LGR5: variants seen among roughly 807,000 people sequenced by gnomAD.
LGR5 encodes leucine rich repeat containing G protein-coupled receptor 5, also known as leucine-rich repeat-containing G protein-coupled receptor 5.
A neutral mutation model predicts 76.7 loss-of-function variants in LGR5; 54 were observed. The observed-to-expected ratio is 0.70, with a 90% CI of 0.57 to 0.88. LGR5 has a LOEUF of 0.88. Ranked by LOEUF, LGR5 falls within the 40% of genes least tolerant of loss-of-function variation. LGR5 has a pLI of 0.00. For synonymous variants in LGR5, 406 were observed against 421.9 expected (o/e 0.96, Z 0.46); for missense variants, 1,078 against 1,073.3 (o/e 1.00, Z -0.06).
intron 1 of LGR5, among the ~76,000 whole-genome samples, chr12:71,461,444 C>T (rs1872681939): frequency 6.6e-6 from 1 of 152,090 alleles, no homozygotes; most frequent in Non-Finnish European, 1.5e-5. Context: ...AAGGGATTTC[C>T]ATTTGAAGAT....
intron 2 of LGR5, among the ~76,000 whole-genome samples, chr12:71,508,697 C>T (rs117625443): frequency 0.053 from 7,124 of 133,992 alleles, 216 homozygotes; most frequent in Middle Eastern, 0.14. Context: ...GAGATTGCAG[C>T]GAGCCAAGAT....
chr12:71,454,564 G>C (rs908129283), intron 1 of LGR5, among the ~76,000 whole-genome samples: 7 of 152,118 alleles, frequency 4.6e-5, no homozygotes, highest in Admixed American at 1.3e-4. Flanking sequence ...GAGGAGATGA[G>C]ACTGTGGCAA....
intron 4 of LGR5, among the ~76,000 whole-genome samples, chr12:71,543,552 A>G (rs975879857): frequency 6.6e-6 from 1 of 152,210 alleles, no homozygotes; most frequent in Non-Finnish European, 1.5e-5. Context: ...TGGCCAGATA[A>G]GGTAAGTAGA....
At chr12:71,501,524 G>A (rs1874604363) in intron 1 of LGR5, among the ~76,000 whole-genome samples, 1 of 152,140 alleles carries the variant, frequency 6.6e-6, no homozygotes. Flanking sequence ...CAGGCTAAAA[G>A]TAATTTAAGC....
intron 4 of LGR5, among the ~76,000 whole-genome samples, chr12:71,540,653 G>T (rs1876830304): frequency 1.3e-5 from 2 of 152,126 alleles, no homozygotes; most frequent in African/African-American, 4.8e-5. Context: ...AGGAATGGGT[G>T]AGGAGGAAGA....
At chr12:71,554,197 T>C (rs865984744) in intron 5 of LGR5, among the ~76,000 whole-genome samples, 2 of 152,244 alleles carry the variant, frequency 1.3e-5, no homozygotes, top group Middle Eastern at 3.4e-3. Context: ...TTTTTAAAGA[T>C]AGTTTGGCTA....
At chr12:71,491,757 A>G (rs67510211) in intron 1 of LGR5, among the ~76,000 whole-genome samples, 16,378 of 148,250 alleles carry the variant, frequency 0.11, 1,031 homozygotes, top group African/African-American at 0.16. Flanking sequence ...TTATCAAGTG[A>G]AATGCTAAAG....
intron 1 of LGR5, among the ~76,000 whole-genome samples, chr12:71,483,262 G>C (rs1873689391): frequency 6.6e-6 from 1 of 152,146 alleles, no homozygotes; most frequent in South Asian, 2.1e-4. Flanking sequence ...AACTGGAGTT[G>C]TGGAATCTGG....
chr12:71,470,934 C>T (rs888176628), intron 1 of LGR5, among the ~76,000 whole-genome samples: 9 of 152,190 alleles, frequency 5.9e-5, no homozygotes, highest in Admixed American at 2.6e-4. Context: ...AGTATGCTCC[C>T]CTCCAATGAG....
intron 11 of LGR5, chr12:71,567,244 A>C: frequency 3.5e-6 from 1 of 282,330 alleles, no homozygotes. Context: ...AAATAACATA[A>C]TGGATCAACC....
At chr12:71,522,606 G>A (rs1253991825) in intron 2 of LGR5, among the ~76,000 whole-genome samples, 1 of 151,880 alleles carries the variant, frequency 6.6e-6, no homozygotes, top group Admixed American at 6.6e-5. Flanking sequence ...TCTGCTGTTT[G>A]TCTACTCTAT....
At position 71,539,634 on chromosome 12, in the gene LGR5, C is replaced by T. The variant is rs1037923900; in HGVS notation, c.428+4448C>T. Among the ~76,000 whole-genome samples the T allele has an allele frequency of 4.6e-5, 7 of 152,120 alleles. No individual in the cohort carries two copies. The South Asian group carries it at 1.0e-3, about 23-fold the overall frequency. ...CTGGAATTACAGGCACCTGCCACCA[C>T]GGCTGGCTAATTTTTTGTATTTTTG... On this transcript the variant is annotated intron_variant, in intron 4 of 17. Transcript: ENST00000266674.
chr12:71,523,759 C>T lies in LGR5; in HGVS notation c.285-647C>T, dbSNP rs1006931283. Among the ~76,000 whole-genome samples, 3 of 152,144 alleles carry T rather than the reference C, an allele frequency of 2.0e-5. No homozygotes were observed. The East Asian group carries it at 5.8e-4, about 29-fold the overall frequency. On this transcript the variant is annotated intron_variant, in intron 2 of 17. Coordinates refer to ENST00000266674, the MANE Select transcript of LGR5 (RefSeq NM_003667.4). ...ACTTAGAAAAATATTATAAAGTAAACTTCTAAAATTTTACCAGTTAATAAT... is the reference window on the plus strand; with the variant it reads ...ACTTAGAAAAATATTATAAAGTAAATTTCTAAAATTTTACCAGTTAATAAT...
intron 1 of LGR5, among the ~76,000 whole-genome samples, chr12:71,477,954 GA>G (rs1287193118): frequency 5.9e-5 from 9 of 152,136 alleles, no homozygotes; most frequent in African/African-American, 2.2e-4. Flanking sequence ...TGCGCTTCTT[GA>G]GTTCCCACCC....
At chr12:71,491,262 A>AT (rs553239693) in intron 1 of LGR5, among the ~76,000 whole-genome samples, 6 of 152,146 alleles carry the variant, frequency 3.9e-5, no homozygotes, top group East Asian at 1.9e-4. Flanking sequence ...TTTAAGACAG[A>AT]TTTTTTGTAA....
chr12:71,579,069 G>A, intron 15 of LGR5, 140 bp downstream of exon 15: 1 of 682,556 alleles, frequency 1.5e-6, no homozygotes, highest in South Asian at 2.8e-5. Flanking sequence ...TAACCCTGGA[G>A]CATTGTTAGG....
chr12:71,571,322 T>G, intron 11 of LGR5, 192 bp from the exon 12 acceptor site: 1 of 445,686 alleles, frequency 2.2e-6, no homozygotes, highest in Non-Finnish European at 4.0e-6. Context: ...AACAGTTACA[T>G]TTCAGTAAAC....
chr12:71,446,330 A>C (rs1871989184), intron 1 of LGR5, among the ~76,000 whole-genome samples: 1 of 152,256 alleles, frequency 6.6e-6, no homozygotes, highest in Admixed American at 6.5e-5. Context: ...ACATGCCATG[A>C]TTTACATGTA....
chr12:71,524,318 C>T, intron 2 of LGR5, 88 bp from the exon 3 acceptor site: 1 of 888,270 alleles, frequency 1.1e-6, no homozygotes, highest in Non-Finnish European at 1.7e-6. Context: ...GTGGTTTAAA[C>T]ATAGTTGTAT....
Sources: gnomAD v4.1 joint callset for allele counts (sites outside exome capture counted in the v4.1 genomes callset) on GRCh38, gnomAD v4.1.1 for gene constraint, MANE v1.5 for transcripts, NCBI Gene and HGNC (gene_info 2026-07-23, HGNC 2026-07-21) for gene names.